Variants in SGMS1 observed in about 807,000 individuals in gnomAD.
SGMS1 encodes the protein phosphatidylcholine:ceramide cholinephosphotransferase 1.
Under a neutral mutation model 46.2 loss-of-function variants are expected in SGMS1, and 13 were observed. The ratio of observed to expected loss-of-function variants is 0.28; its 90% CI spans 0.18 to 0.45. SGMS1 has a LOEUF of 0.45. Ranked by LOEUF, SGMS1 falls within the 20% of genes least tolerant of loss-of-function variation. The probability of loss-of-function intolerance (pLI) is 1.00; values close to 1 mark genes in which losing one functional copy is unlikely to be tolerated. For missense variants in SGMS1, 324 were observed against 519.9 expected (o/e 0.62, Z 3.66); for synonymous variants, 203 against 187.8 (o/e 1.08, Z -0.66).
intron 8 of SGMS1, among the ~76,000 whole-genome samples, chr10:50,323,796 GTC>G (rs1564874332): frequency 6.6e-6 from 1 of 151,994 alleles, no homozygotes; most frequent in East Asian, 1.9e-4. Context: ...TATCAATTTG[GTC>G]TCTTAAATAT....
At chr10:50,488,944 A>G (rs918657092) in intron 3 of SGMS1, among the ~76,000 whole-genome samples, 3 of 152,184 alleles carry the variant, frequency 2.0e-5, no homozygotes, top group Non-Finnish European at 2.9e-5. Flanking sequence ...AAGCAACTCT[A>G]TGAGATTAAA....
At chr10:50,392,498 A>G (rs1384626723) in intron 6 of SGMS1, among the ~76,000 whole-genome samples, 1 of 152,162 alleles carries the variant, frequency 6.6e-6, no homozygotes, top group African/African-American at 2.4e-5. Context: ...TCTGGGTTCT[A>G]CTGGTGACTA....
chr10:50,591,762 A>G (rs558681282), intron 1 of SGMS1, among the ~76,000 whole-genome samples: 35 of 152,340 alleles, frequency 2.3e-4, no homozygotes, highest in Non-Finnish European at 3.2e-4. Context: ...ACACTAGAAT[A>G]TAATGCCACA....
Position 50,623,743 on chromosome 10 carries a change from C to T in SGMS1, c.-720G>A, listed in dbSNP as rs2131954507. The T allele has an allele frequency of 1.0e-6, 1 of 985,430 alleles. No individual in the cohort carries two copies. Among genetic ancestry groups the T allele is most frequent in the African/African-American group, 1.7e-5 (1 of 57,366 alleles). 61.0% of individuals were successfully genotyped at this position (985,430 alleles called of 1,614,324 possible). ...TCACGGCAGCCGCCGGAATTCCGCT[C>T]GCGGAGCCCCCGCCGCGGAATGAAA... On this transcript the variant is annotated 5_prime_UTR_variant, in exon 1 of 11. Coordinates refer to ENST00000361781, the MANE Select transcript of SGMS1 (RefSeq NM_147156.4).
chr10:50,328,275 C>T (rs965857263), intron 7 of SGMS1, among the ~76,000 whole-genome samples: 7 of 152,146 alleles, frequency 4.6e-5, no homozygotes, highest in Non-Finnish European at 2.9e-5. Context: ...GTACCACAGG[C>T]CAGAATCATG....
chr10:50,544,523 T>C (rs1342297120), intron 2 of SGMS1, among the ~76,000 whole-genome samples: 3 of 152,340 alleles, frequency 2.0e-5, no homozygotes, highest in East Asian at 3.9e-4. Context: ...GTTTTTTTGA[T>C]CACATTCTAC....
intron 3 of SGMS1, among the ~76,000 whole-genome samples, chr10:50,517,053 G>C (rs1208396375): frequency 1.3e-5 from 2 of 152,126 alleles, no homozygotes; most frequent in Admixed American, 6.6e-5. Context: ...AAACCAAAGG[G>C]AATAGGTATT....
chr10:50,359,061 C>T (rs1328128937), intron 6 of SGMS1, among the ~76,000 whole-genome samples: 3 of 152,184 alleles, frequency 2.0e-5, no homozygotes, highest in Non-Finnish European at 4.4e-5. Context: ...CACAGTCCAA[C>T]TCTGGTTAGC....
At chr10:50,412,507 G>A (rs1849114895) in intron 6 of SGMS1, among the ~76,000 whole-genome samples, 2 of 152,046 alleles carry the variant, frequency 1.3e-5, no homozygotes, top group South Asian at 4.2e-4. Context: ...TGGCTCTTAC[G>A]GATAAGCTAC....
At chr10:50,408,920 C>T (rs538780817) in intron 6 of SGMS1, among the ~76,000 whole-genome samples, 9 of 152,240 alleles carry the variant, frequency 5.9e-5, no homozygotes, top group African/African-American at 2.2e-4. Flanking sequence ...CCTAGCCTGC[C>T]TGACCTCCCT....
At chr10:50,556,480 T>C (rs1838190121) in intron 2 of SGMS1, among the ~76,000 whole-genome samples, 2 of 151,966 alleles carry the variant, frequency 1.3e-5, no homozygotes. Context: ...TGAGCAAACA[T>C]GTCAGGGGAA....
chr10:50,622,389 C>T (rs1392725304), intron 1 of SGMS1, among the ~76,000 whole-genome samples: 1 of 152,134 alleles, frequency 6.6e-6, no homozygotes, highest in Non-Finnish European at 1.5e-5. Context: ...CCCACTCAGT[C>T]CCCCCTGAAT....
chr10:50,615,144 T>C (rs1398561071), intron 1 of SGMS1, among the ~76,000 whole-genome samples: 2 of 152,236 alleles, frequency 1.3e-5, no homozygotes, highest in Non-Finnish European at 2.9e-5. Flanking sequence ...GGCTCCACTG[T>C]CTTTCAGTAT....
At chr10:50,514,722 C>A (rs1837787315) in intron 3 of SGMS1, among the ~76,000 whole-genome samples, 1 of 152,158 alleles carries the variant, frequency 6.6e-6, no homozygotes, top group Non-Finnish European at 1.5e-5. Flanking sequence ...AACCAAAATG[C>A]TTAAGAACCA....
At chr10:50,574,961 G>GTATATATATATATATATATATA (rs1491469065) in intron 2 of SGMS1, among the ~76,000 whole-genome samples, 3,185 of 43,780 alleles carry the variant, frequency 0.073, 264 homozygotes, top group Non-Finnish European at 0.099. Context: ...GGAAAATGTG[G>GTATATATATATATATATATATA]TGTATATATA....
intron 5 of SGMS1, among the ~76,000 whole-genome samples, chr10:50,433,968 C>A (rs924242954): frequency 7.9e-5 from 12 of 152,192 alleles, no homozygotes; most frequent in African/African-American, 2.4e-4. Context: ...CAAATGATTT[C>A]TTGGCCCTGC....
At position 50,554,372 on chromosome 10, in the gene SGMS1, C is replaced by T. The variant is rs572326923; in HGVS notation, c.-588-34451G>A. On this transcript the variant is annotated intron_variant, in intron 2 of 10. Coordinates refer to ENST00000361781, the MANE Select transcript of SGMS1 (RefSeq NM_147156.4). ...GGCCTACTAATTTCAGAAAAGCAAG[C>T]CTAAGCAAATGAAAAATTTAAACGT... is the stretch of plus-strand genomic sequence containing the variant. Among the ~76,000 whole-genome samples, 5 of 152,240 alleles carry T rather than the reference C, an allele frequency of 3.3e-5. No individual in the cohort carries two copies. The East Asian group carries it at 9.6e-4, about 29-fold the overall frequency.
chr10:50,379,377 G>A (rs1329263167), intron 6 of SGMS1, among the ~76,000 whole-genome samples: 3 of 151,922 alleles, frequency 2.0e-5, no homozygotes, highest in African/African-American at 4.8e-5. Flanking sequence ...TATCTGTGAC[G>A]TAGAAATACA....
At chr10:50,616,593 T>C (rs919553649) in intron 1 of SGMS1, among the ~76,000 whole-genome samples, 8 of 152,108 alleles carry the variant, frequency 5.3e-5, no homozygotes, top group African/African-American at 9.7e-5. Context: ...TTATTCCAGT[T>C]TGAGGAAAGA....
Sources: gnomAD v4.1 joint callset for allele counts (sites outside exome capture counted in the v4.1 genomes callset) on GRCh38, gnomAD v4.1.1 for gene constraint, MANE v1.5 for transcripts, NCBI Gene and HGNC (gene_info 2026-07-23, HGNC 2026-07-21) for gene names.